The following RPS6KA2 variants were observed in gnomAD, a reference collection of about 807,000 sequenced individuals.
RPS6KA2 encodes the protein ribosomal protein S6 kinase A2.
In RPS6KA2, 42 loss-of-function variants were observed where a neutral mutation model predicts 91.8. The observed-to-expected ratio is 0.46, with a 90% confidence interval of 0.36 to 0.59. RPS6KA2 has a LOEUF of 0.59. Among genes scored for constraint, RPS6KA2 ranks in the 20% least tolerant of loss-of-function variants. RPS6KA2 has a pLI of 0.00. For synonymous variants in RPS6KA2, 414 were observed against 393.6 expected, an observed-to-expected ratio of 1.05 and a Z score of -0.61; for missense variants, 798 against 978.5, an observed-to-expected ratio of 0.82 and a Z score of 2.46.
intron 1 of RPS6KA2, among the ~76,000 whole-genome samples, chr6:166,609,955 G>A (rs1490019937): frequency 6.6e-6 from 1 of 151,988 alleles, no homozygotes; most frequent in African/African-American, 2.4e-5. Context: ...TATTAGCTTC[G>A]GACTAGTTAT....
At chr6:166,542,879 G>C (rs1188433528) in intron 1 of RPS6KA2, among the ~76,000 whole-genome samples, 1 of 152,192 alleles carries the variant, frequency 6.6e-6, no homozygotes, top group Non-Finnish European at 1.5e-5. Flanking sequence ...GAATATTAAT[G>C]ATAAGGACAT....
At chr6:166,787,835 A>C (rs900486769) in intron 2 of RPS6KA2, among the ~76,000 whole-genome samples, 1 of 152,334 alleles carries the variant, frequency 6.6e-6, no homozygotes, top group Non-Finnish European at 1.5e-5. Context: ...GGATCTAATC[A>C]AACTAAAGAG....
chr6:166,756,807 T>C (rs1778024327), intron 2 of RPS6KA2, among the ~76,000 whole-genome samples: 1 of 151,740 alleles, frequency 6.6e-6, no homozygotes, highest in Non-Finnish European at 1.5e-5. Context: ...GATGGCGCCA[T>C]TGCACTCCAG....
At chr6:166,717,432 A>G (rs1411371964) in intron 2 of RPS6KA2, among the ~76,000 whole-genome samples, 5 of 152,202 alleles carry the variant, frequency 3.3e-5, no homozygotes, top group African/African-American at 1.2e-4. Context: ...TGGCACCAGG[A>G]GTCTCTCCCA....
In RPS6KA2 at chr6:166,557,096, C is replaced by G. The variant is rs926801109; in HGVS notation, c.100-18312G>C. Among the ~76,000 whole-genome samples, 4 of 152,240 alleles carry G rather than the reference C, an allele frequency of 2.6e-5. No homozygotes were observed. The highest frequency in any genetic ancestry group is 5.9e-5 in the Non-Finnish European group (4 of 68,044). On this transcript the variant is annotated intron_variant, in intron 1 of 20. Coordinates refer to ENST00000265678, the MANE Select transcript of RPS6KA2 (RefSeq NM_021135.6). The surrounding 1 kb of genome is among the most constrained non-coding windows in gnomAD (Gnocchi z 4.8). ...CGCCTCGCCAAACACGTTTTCTCTT[C>G]CTGTTACCCAGTGCCAAGTGGCTGT... is the stretch of plus-strand genomic sequence containing the variant.
intron 2 of RPS6KA2, among the ~76,000 whole-genome samples, chr6:166,818,171 A>C (rs1392603771): frequency 6.6e-6 from 1 of 152,152 alleles, no homozygotes; most frequent in Non-Finnish European, 1.5e-5. Context: ...GATATTATTA[A>C]ATGTACAGTT....
intron 2 of RPS6KA2, among the ~76,000 whole-genome samples, chr6:166,771,301 T>A (rs901999551): frequency 4.6e-5 from 7 of 152,172 alleles, no homozygotes; most frequent in Non-Finnish European, 8.8e-5. Flanking sequence ...TAAACTCTAG[T>A]CTATGGAAGA....
intron 12 of RPS6KA2, among the ~76,000 whole-genome samples, chr6:166,453,594 G>A (rs1440394333): frequency 2.0e-5 from 3 of 152,216 alleles, no homozygotes; most frequent in African/African-American, 7.2e-5. Flanking sequence ...AGGATGTGGA[G>A]AAAGGTGGTG....
At chr6:166,510,162 C>T (rs1782411046) in intron 4 of RPS6KA2, 115 bp downstream of exon 4, 2 of 615,576 alleles carry the variant, frequency 3.2e-6, no homozygotes, top group East Asian at 5.8e-5. Context: ...GGGCAGGACT[C>T]TATGGTATAG....
chr6:166,527,315 C>A (rs1044301637), intron 3 of RPS6KA2, among the ~76,000 whole-genome samples: 1 of 152,146 alleles, frequency 6.6e-6, no homozygotes, highest in Non-Finnish European at 1.5e-5. Flanking sequence ...AGAAAAGGAG[C>A]TCTTCCGGGT....
rs147789754 is a variant in RPS6KA2, at chr6:166,745,148, C to CTT, written c.123+113050_123+113051dup. Among the ~76,000 whole-genome samples, 378 of 105,836 alleles carry CTT rather than the reference C, an allele frequency of 3.6e-3. 2 individuals carry two copies. The highest frequency in any genetic ancestry group is 9.4e-3 in the Middle Eastern group (2 of 212). 69.4% of individuals were successfully genotyped at this position (105,836 alleles called of 152,430 possible). Reference sequence around the variant, plus strand: ...TGTGTGTGTCTGTGTCCTAATCGGCCTTTTTTTTTTTTTTTTTTTTGAGAG... The same window carrying CTT: ...TGTGTGTGTCTGTGTCCTAATCGGCCTTTTTTTTTTTTTTTTTTTTTTGAGAG... On this transcript the variant is annotated intron_variant, in intron 2 of 21. Transcript: ENST00000503859.
rs1330203050 is a variant in RPS6KA2, at chr6:166,639,797, C to G, written c.124-101013G>C. On this transcript the variant is annotated intron_variant, in intron 2 of 21. Coordinates refer to the RPS6KA2 transcript ENST00000503859. The surrounding 1 kb of genome is among the most constrained non-coding windows in gnomAD (Gnocchi z 4.2). The stretch of plus-strand genomic sequence containing the variant: ...TTGCTCCAGGAAGCCACACCGAGAT[C>G]ACTCCACCCCACAGGCCCTGTTGGG... 1.3e-5 allele frequency among the ~76,000 whole-genome samples: 2 copies of G among 152,108 alleles called. No homozygotes were observed. Among genetic ancestry groups the G allele is most frequent in the African/African-American group, 2.4e-5 (1 of 41,412 alleles).
At chr6:166,464,742 C>T (rs140083797) in intron 11 of RPS6KA2, among the ~76,000 whole-genome samples, 126 of 152,328 alleles carry the variant, frequency 8.3e-4, no homozygotes, top group African/African-American at 2.7e-3. Flanking sequence ...TGGACTCTGC[C>T]GTATCCTCTG....
At chr6:166,667,033 T>C (rs932769632) in intron 2 of RPS6KA2, among the ~76,000 whole-genome samples, 2 of 152,206 alleles carry the variant, frequency 1.3e-5, no homozygotes, top group Non-Finnish European at 2.9e-5. Context: ...TTACGTGAGG[T>C]ACCGAGAATA....
chr6:166,420,856 G>A (rs546406226), intron 17 of RPS6KA2, among the ~76,000 whole-genome samples: 2 of 152,326 alleles, frequency 1.3e-5, no homozygotes, highest in East Asian at 1.9e-4. Context: ...TCAGTAGAGG[G>A]CAATCCTCTG....
chr6:166,803,068 C>G (rs945256095), intron 2 of RPS6KA2, among the ~76,000 whole-genome samples: 16 of 151,978 alleles, frequency 1.1e-4, no homozygotes, highest in Non-Finnish European at 2.4e-4. Context: ...TATTTTGAAG[C>G]AAGTTGGCCC....
At chr6:166,436,058 A>G (rs1485018044) in intron 14 of RPS6KA2, among the ~76,000 whole-genome samples, 1 of 152,200 alleles carries the variant, frequency 6.6e-6, no homozygotes, top group African/African-American at 2.4e-5. Flanking sequence ...CAACAAATTA[A>G]TATGAATCGA....
chr6:166,446,503 C>T (rs2281061), intron 14 of RPS6KA2, among the ~76,000 whole-genome samples: 23,017 of 152,154 alleles, frequency 0.15, 3,792 homozygotes, highest in African/African-American at 0.41. Context: ...CTTCTACCAT[C>T]GGCCAGAGCC....
At chr6:166,702,798 G>T (rs1329756648) in intron 2 of RPS6KA2, 2 of 1,080,816 alleles carry the variant, frequency 1.9e-6, no homozygotes, top group East Asian at 4.7e-5. Flanking sequence ...GGTCCAAGGG[G>T]GCGGCGTTCT....
Sources: allele counts gnomAD v4.1 joint callset (sites outside exome capture counted in the v4.1 genomes callset), GRCh38; gene constraint gnomAD v4.1.1; non-coding constraint Gnocchi (gnomAD v3.1); transcripts MANE v1.5; gene names NCBI Gene and HGNC (gene_info 2026-07-23, HGNC 2026-07-21).